The following HELZ variants were observed in gnomAD, a reference collection of about 807,000 sequenced individuals.
HELZ encodes ATP-dependent RNA helicase with zinc finger domain.
In HELZ, 23 loss-of-function variants were observed where a neutral mutation model predicts 218.2. That is an observed-to-expected ratio of 0.11 (90% CI 0.08 to 0.15). The LOEUF (loss-of-function observed/expected upper bound fraction) is 0.15, where lower values mean the gene tolerates loss of function less well. HELZ is among the 10% of genes least tolerant of loss of function. The pLI, the probability that HELZ is intolerant of heterozygous loss-of-function variation, is 1.00. For missense variants in HELZ, 1,813 were observed against 2,353.7 expected, an observed-to-expected ratio of 0.77 and a Z score of 4.75; for synonymous variants, 814 against 829.4, an observed-to-expected ratio of 0.98 and a Z score of 0.32.
chr17:67,218,866 T>C (rs371705872), intron 3 of HELZ, 44 bp from the exon 4 acceptor site: 6 of 1,405,232 alleles, frequency 4.3e-6, no homozygotes, highest in African/African-American at 2.8e-5. Context: ...TTTAAACTTA[T>C]TAATTATAAA....
At chr17:67,150,696 A>C (rs1378013004) in intron 18 of HELZ, among the ~76,000 whole-genome samples, 1 of 152,238 alleles carries the variant, frequency 6.6e-6, no homozygotes, top group Non-Finnish European at 1.5e-5. Context: ...GGAATTCTTC[A>C]TATGATCAAT....
At chr17:67,115,379 A>T (rs1210446274) in intron 27 of HELZ, among the ~76,000 whole-genome samples, 1 of 152,072 alleles carries the variant, frequency 6.6e-6, no homozygotes, top group Non-Finnish European at 1.5e-5. Context: ...GGGGCAACAC[A>T]GAAAAAAATA....
intron 8 of HELZ, 76 bp from the exon 9 acceptor site, chr17:67,194,118 C>A: frequency 1.0e-6 from 1 of 982,812 alleles, no homozygotes. Flanking sequence ...GTAAGAGATA[C>A]TACAATCCCT....
chr17:67,154,233 G>A (rs1031865420), intron 17 of HELZ, among the ~76,000 whole-genome samples: 3 of 152,184 alleles, frequency 2.0e-5, no homozygotes, highest in Non-Finnish European at 4.4e-5. Flanking sequence ...TTCAAGACCA[G>A]CCTGGCCAAC....
intron 3 of HELZ, among the ~76,000 whole-genome samples, chr17:67,236,183 G>A (rs903390727): frequency 4.6e-5 from 7 of 152,078 alleles, no homozygotes; most frequent in African/African-American, 1.7e-4. Context: ...ACCATAAAGA[G>A]GCTCAAATAG....
chr17:67,165,373 A>G (rs1252983464), intron 15 of HELZ, among the ~76,000 whole-genome samples: 1 of 152,088 alleles, frequency 6.6e-6, no homozygotes, highest in Non-Finnish European at 1.5e-5. Flanking sequence ...GGCCCATAAA[A>G]GCTTCCCACG....
rs781671602 is a variant in HELZ, at chr17:67,120,411, G to C, written c.3832C>G (p.Arg1278Gly). ...HQEKDQHEQN[R>G]NGKSDTNNSG... ...ACAGCGAAGTACAACTTACCATTTC[G>C]ATTTTGCTCATGTTGATCCTTCTCC... The change falls in exon 27 of 33, where the codon CGA becomes GGA. Residue 1278 changes from arginine to glycine, a missense_variant. Arg to Gly is a moderately radical substitution (Grantham distance 125). Coordinates refer to ENST00000358691, the MANE Select transcript of HELZ (RefSeq NM_014877.4). 1.9e-6 allele frequency: 3 copies of C among 1,613,354 alleles called. No homozygotes were observed. Among genetic ancestry groups the C allele is most frequent in the African/African-American group, 1.3e-5 (1 of 74,866 alleles).
chr17:67,124,601 C>T (rs917371099), intron 24 of HELZ, among the ~76,000 whole-genome samples: 1 of 152,062 alleles, frequency 6.6e-6, no homozygotes, highest in Admixed American at 6.6e-5. Flanking sequence ...AGCAATATGG[C>T]AATACATATC....
At chr17:67,176,078 T>C (rs1270779605) in intron 13 of HELZ, among the ~76,000 whole-genome samples, 1 of 152,168 alleles carries the variant, frequency 6.6e-6, no homozygotes, top group East Asian at 1.9e-4. Flanking sequence ...TTCCTTTAAA[T>C]TTTTTTAATT....
rs549264691 is a variant in HELZ, at chr17:67,122,951, A to G, written c.3630+19T>C. Reference sequence around the variant, plus strand: ...TATTTTACTTGATTCAATAGAAAGTATTTCGAATGTCCACTTACAGGTAAA... The same window carrying G: ...TATTTTACTTGATTCAATAGAAAGTGTTTCGAATGTCCACTTACAGGTAAA... On this transcript the variant is annotated intron_variant, in intron 26 of 32. Transcript: ENST00000358691. 2.1e-5 allele frequency: 33 copies of G among 1,549,294 alleles called. No individual in the cohort carries two copies. The South Asian group carries it at 3.7e-4, about 17-fold the overall frequency.
intron 5 of HELZ, among the ~76,000 whole-genome samples, chr17:67,214,271 T>G (rs80046293): frequency 7.1e-6 from 1 of 141,094 alleles, no homozygotes; most frequent in Non-Finnish European, 1.5e-5. Context: ...TTTTTTTTTT[T>G]TTTTTTTTTT....
chr17:67,237,924 G>A (rs2041226089), intron 3 of HELZ, among the ~76,000 whole-genome samples: 2 of 150,212 alleles, frequency 1.3e-5, no homozygotes, highest in Non-Finnish European at 3.0e-5. Context: ...AGAGGCAGAG[G>A]TTACAGTGAG....
chr17:67,107,065 G>T (rs1006927298), intron 31 of HELZ, 104 bp downstream of exon 31: 3 of 1,049,476 alleles, frequency 2.9e-6, no homozygotes, highest in Non-Finnish European at 4.2e-6. Context: ...TCTTTAATAC[G>T]CTGTTAAATT....
At chr17:67,092,508 G>C (rs2036602090) in intron 31 of HELZ, among the ~76,000 whole-genome samples, 1 of 152,092 alleles carries the variant, frequency 6.6e-6, no homozygotes, top group South Asian at 2.1e-4. Context: ...CAGCCAGCCA[G>C]GTACCTACAA....
intron 5 of HELZ, among the ~76,000 whole-genome samples, chr17:67,207,457 T>A (rs115164379): frequency 0.05 from 7,658 of 151,772 alleles, 667 homozygotes; most frequent in African/African-American, 0.18. Flanking sequence ...TGACCTCAGG[T>A]GATCCACTCA....
intron 3 of HELZ, among the ~76,000 whole-genome samples, chr17:67,220,221 G>A (rs2040708786): frequency 6.6e-6 from 1 of 152,184 alleles, no homozygotes; most frequent in Non-Finnish European, 1.5e-5. Context: ...ATAAACTGCA[G>A]TGCAAGATGA....
At chr17:67,198,557 C>G (rs2040089817) in intron 7 of HELZ, among the ~76,000 whole-genome samples, 1 of 152,246 alleles carries the variant, frequency 6.6e-6, no homozygotes, top group Admixed American at 6.5e-5. Context: ...GAAAAATGGC[C>G]AAAGATTACA....
At position 67,136,032 on chromosome 17, in the gene HELZ, T is replaced by C. The variant is rs2038139971; in HGVS notation, c.3120A>G (p.Arg1040=). The C allele has an allele frequency of 1.2e-6, 2 of 1,613,942 alleles. No homozygotes were observed. Among genetic ancestry groups the C allele is most frequent in the Non-Finnish European group, 1.7e-6 (2 of 1,179,920 alleles). Reference sequence around the variant, plus strand: ...CCACCACAGCAACCAGGGATTGTGCTCTTGTGATGGCAGTATTGAGAAGCT... The same window carrying C: ...CCACCACAGCAACCAGGGATTGTGCCCTTGTGATGGCAGTATTGAGAAGCT... The part of the protein sequence containing the change: ...NYKLLNTAIT[R]AQSLVAVVGD... Residue 1040 remains arginine (R), a synonymous_variant, in exon 23 of 33, where the codon AGA becomes AGG. Coordinates refer to ENST00000358691, the MANE Select transcript of HELZ (RefSeq NM_014877.4).
intron 13 of HELZ, among the ~76,000 whole-genome samples, chr17:67,173,453 C>T (rs1056958215): frequency 6.6e-6 from 1 of 152,120 alleles, no homozygotes; most frequent in Admixed American, 6.5e-5. Flanking sequence ...TTACAGCCAA[C>T]TGAACACTCA....
Sources: gnomAD v4.1 joint callset for allele counts (sites outside exome capture counted in the v4.1 genomes callset) on GRCh38, gnomAD v4.1.1 for gene constraint, MANE v1.5 for transcripts, NCBI Gene and HGNC (gene_info 2026-07-23, HGNC 2026-07-21) for gene names.